The following NAALADL2 variants were observed in gnomAD, a reference collection of about 807,000 sequenced individuals.
NAALADL2 encodes inactive N-acetylated-alpha-linked acidic dipeptidase-like protein 2.
A neutral mutation model predicts 87.2 loss-of-function variants in NAALADL2; 76 were observed. The ratio of observed to expected loss-of-function variants is 0.87; its 90% CI spans 0.72 to 1.05. The LOEUF (loss-of-function observed/expected upper bound fraction) is 1.05. Ranked by LOEUF, NAALADL2 falls within the 50% of genes least tolerant of loss-of-function variation. The pLI is 0.00. For missense variants in NAALADL2, 1,089 were observed against 945.8 expected, an observed-to-expected ratio of 1.15 and a Z score of -1.99; for synonymous variants, 354 against 331.0, an observed-to-expected ratio of 1.07 and a Z score of -0.75.
chr3:174,520,217 T>G (rs1720190281), intron 1 of NAALADL2, among the ~76,000 whole-genome samples: 1 of 152,138 alleles, frequency 6.6e-6, no homozygotes, highest in African/African-American at 2.4e-5. Context: ...AAAACAATCC[T>G]AAAGTTCGTA....
intron 13 of NAALADL2, among the ~76,000 whole-genome samples, chr3:175,791,744 G>T (rs1752801180): frequency 6.6e-6 from 1 of 151,440 alleles, no homozygotes; most frequent in African/African-American, 2.4e-5. Flanking sequence ...GTTACATATA[G>T]TATATTGTAT....
chr3:175,066,065 T>C (rs1184318382), intron 1 of NAALADL2, among the ~76,000 whole-genome samples: 1 of 152,170 alleles, frequency 6.6e-6, no homozygotes, highest in Non-Finnish European at 1.5e-5. Flanking sequence ...CTGTATTCAC[T>C]GCACTGCAGA....
At chr3:174,818,806 C>T (rs1721074965) in intron 3 of NAALADL2, among the ~76,000 whole-genome samples, 1 of 151,976 alleles carries the variant, frequency 6.6e-6, no homozygotes, top group South Asian at 2.1e-4. Flanking sequence ...TAATGGCATC[C>T]CAAATTTCTG....
chr3:175,748,702 C>T (rs1321573536), intron 12 of NAALADL2, among the ~76,000 whole-genome samples: 2 of 152,202 alleles, frequency 1.3e-5, no homozygotes, highest in East Asian at 1.9e-4. Flanking sequence ...TTTAAAAATA[C>T]AGCCACAAAA....
At chr3:175,210,689 A>C (rs917364116) in intron 2 of NAALADL2, among the ~76,000 whole-genome samples, 1 of 151,690 alleles carries the variant, frequency 6.6e-6, no homozygotes, top group Non-Finnish European at 1.5e-5. Flanking sequence ...ACTTCCCTCA[A>C]AATAATATGA....
intron 10 of NAALADL2, among the ~76,000 whole-genome samples, chr3:175,589,662 G>A (rs1721076736): frequency 6.6e-6 from 1 of 151,710 alleles, no homozygotes; most frequent in African/African-American, 2.4e-5. Context: ...TGCCTGCATT[G>A]TTTTGTTATT....
intron 9 of NAALADL2, among the ~76,000 whole-genome samples, chr3:175,531,227 G>A (rs1378591937): frequency 6.6e-6 from 1 of 152,148 alleles, no homozygotes; most frequent in African/African-American, 2.4e-5. Context: ...ACACCGAGAT[G>A]AGGAATGTGT....
chr3:174,635,814 T>A (rs1722588214), intron 2 of NAALADL2, among the ~76,000 whole-genome samples: 2 of 152,172 alleles, frequency 1.3e-5, no homozygotes, highest in Non-Finnish European at 2.9e-5. Context: ...ATATTCACAT[T>A]GTTATTGTTT....
chr3:175,412,092 A>G (rs1713630765), intron 5 of NAALADL2, among the ~76,000 whole-genome samples: 1 of 152,224 alleles, frequency 6.6e-6, no homozygotes, highest in African/African-American at 2.4e-5. Context: ...TCTGGCTAGC[A>G]GTCACTTGAC....
chr3:175,383,731 C>A (rs978195401), intron 5 of NAALADL2, among the ~76,000 whole-genome samples: 9 of 151,974 alleles, frequency 5.9e-5, no homozygotes, highest in African/African-American at 2.2e-4. Context: ...CAGAGAAGTT[C>A]TTTTACTTAA....
intron 2 of NAALADL2, among the ~76,000 whole-genome samples, chr3:175,120,761 T>C (rs1181398327): frequency 2.0e-5 from 3 of 151,836 alleles, no homozygotes; most frequent in African/African-American, 7.2e-5. Flanking sequence ...TTTTGTTCTT[T>C]GAAAACCCCA....
At chr3:174,511,990 A>G (rs1719626323) in intron 1 of NAALADL2, among the ~76,000 whole-genome samples, 1 of 152,108 alleles carries the variant, frequency 6.6e-6, no homozygotes, top group Non-Finnish European at 1.5e-5. Flanking sequence ...ACTAAACCCT[A>G]CAATAATTTT....
At chr3:174,847,649 T>C (rs1288022455) in intron 3 of NAALADL2, among the ~76,000 whole-genome samples, 2 of 152,140 alleles carry the variant, frequency 1.3e-5, no homozygotes, top group Admixed American at 6.5e-5. Context: ...TTTAATATTA[T>C]CTCATTTGAT....
At chr3:174,611,808 G>T (rs1401296839) in intron 2 of NAALADL2, among the ~76,000 whole-genome samples, 1 of 151,816 alleles carries the variant, frequency 6.6e-6, no homozygotes, top group African/African-American at 2.4e-5. Context: ...TATTAGCCAG[G>T]CTGGTCTCAA....
intron 1 of NAALADL2, among the ~76,000 whole-genome samples, chr3:174,521,069 A>G (rs1720247683): frequency 6.6e-6 from 1 of 152,214 alleles, no homozygotes; most frequent in Non-Finnish European, 1.5e-5. Context: ...GTGGGAATGT[A>G]AATTAGTACA....
intron 5 of NAALADL2, among the ~76,000 whole-genome samples, chr3:175,378,602 T>A (rs1380907540): frequency 1.3e-5 from 2 of 152,194 alleles, no homozygotes; most frequent in African/African-American, 4.8e-5. Flanking sequence ...ACTTTCTATG[T>A]GAAGCTCCCA....
chr3:174,865,470 A>G (rs953868004), intron 1 of NAALADL2, among the ~76,000 whole-genome samples: 6 of 151,982 alleles, frequency 3.9e-5, no homozygotes, highest in African/African-American at 1.4e-4. Context: ...GAAGAGAGGA[A>G]TGAAGGATTA....
chr3:174,874,291 A>G (rs1302589298), intron 1 of NAALADL2, among the ~76,000 whole-genome samples: 2 of 152,154 alleles, frequency 1.3e-5, no homozygotes, highest in African/African-American at 2.4e-5. Context: ...CTCATCATGA[A>G]TTTACTCCTA....
chr3:174,928,519 C>T (rs141391270), intron 1 of NAALADL2, among the ~76,000 whole-genome samples: 1 of 152,094 alleles, frequency 6.6e-6, no homozygotes, highest in Non-Finnish European at 1.5e-5. Flanking sequence ...GTATTACAGG[C>T]GTGAGCCACC....
Sources: allele counts gnomAD v4.1 joint callset (sites outside exome capture counted in the v4.1 genomes callset), GRCh38; gene constraint gnomAD v4.1.1; transcripts MANE v1.5; gene names NCBI Gene and HGNC (gene_info 2026-07-23, HGNC 2026-07-21).